Variants in LARGE1 observed in about 807,000 individuals in gnomAD.
The protein encoded by LARGE1 is LARGE xylosyl- and glucuronyltransferase 1, also known as xylosyl- and glucuronyltransferase LARGE1.
LARGE1 carries 43 observed loss-of-function variants against 87.6 expected under a neutral mutation model. That is an observed-to-expected ratio of 0.49 (90% CI 0.38 to 0.63). The LOEUF (loss-of-function observed/expected upper bound fraction) is 0.63, where lower values mean the gene tolerates loss of function less well. LARGE1 is among the 30% of genes least tolerant of loss of function. The pLI is 0.00. For synonymous variants in LARGE1, 434 were observed against 394.6 expected, an observed-to-expected ratio of 1.10 and a Z score of -1.18; for missense variants, 802 against 1,000.2, an observed-to-expected ratio of 0.80 and a Z score of 2.67.
chr22:33,486,684 C>T (rs904978185), intron 6 of LARGE1, among the ~76,000 whole-genome samples: 2 of 152,190 alleles, frequency 1.3e-5, no homozygotes, highest in Middle Eastern at 3.4e-3. Flanking sequence ...ATTTAAATAC[C>T]GCTTTGGCAA....
At chr22:33,709,148 G>A (rs917213713) in intron 2 of LARGE1, among the ~76,000 whole-genome samples, 2 of 152,128 alleles carry the variant, frequency 1.3e-5, no homozygotes, top group African/African-American at 4.8e-5. Context: ...ATGGAGGGGC[G>A]CAATTCAGCC....
intron 11 of LARGE1, among the ~76,000 whole-genome samples, chr22:33,169,706 C>A (rs1922459673): frequency 6.6e-6 from 1 of 151,924 alleles, no homozygotes; most frequent in Non-Finnish European, 1.5e-5. Flanking sequence ...AAAAAATTAG[C>A]TGGGTGTGGT....
intron 2 of LARGE1, among the ~76,000 whole-genome samples, chr22:33,738,370 T>C (rs963509485): frequency 6.6e-6 from 1 of 152,100 alleles, no homozygotes; most frequent in Non-Finnish European, 1.5e-5. Context: ...AGATTCTTCA[T>C]TGTGAAAGCA....
chr22:33,139,819 G>A, the LARGE1 span, among the ~76,000 whole-genome samples: 1 of 152,190 alleles, frequency 6.6e-6, no homozygotes, highest in South Asian at 2.1e-4. Context: ...TCCAAAGCAA[G>A]TTAGCTCCTT....
chr22:33,817,369 T>C (rs2227023), intron 1 of LARGE1, among the ~76,000 whole-genome samples: 134,802 of 152,172 alleles, frequency 0.89, 59,889 homozygotes, highest in East Asian at 0.97. Context: ...ATTTAATGCT[T>C]GAAATAGCTC....
In LARGE1 at chr22:33,274,356, A is replaced by G. The variant is rs1275186413; in HGVS notation, c.*71T>C. 1 of 1,493,406 alleles carries G rather than the reference A, an allele frequency of 6.7e-7. No homozygotes were observed. The highest frequency in any genetic ancestry group is 1.7e-5 in the Admixed American group (1 of 59,844). The allele number at this position is 1,493,406 out of a possible 1,614,324, so 92.5% of individuals were successfully genotyped here. A position where few individuals can be genotyped will look rare whatever the true frequency, so the allele number is the denominator to read the frequency against. ...AAGCATGGCTCAATTTTGAATTTGA[A>G]GGCCGGGCCCCAAACAGCGAGTGGC... On this transcript the variant is annotated 3_prime_UTR_variant, in exon 15 of 15. Transcript: ENST00000397394.
Position 33,884,605 on chromosome 22 carries a change from A to T in LARGE1, c.-83+35390T>A, listed in dbSNP as rs138327259. On this transcript the variant is annotated intron_variant, in intron 1 of 14. Coordinates refer to ENST00000397394, the MANE Select transcript of LARGE1 (RefSeq NM_133642.5). ...GGGAGGCCCTGAAAGGCCAGATGCCACCATCCCGCGGAGCTGCCAGATTCT... is the reference window on the plus strand; with the variant it reads ...GGGAGGCCCTGAAAGGCCAGATGCCTCCATCCCGCGGAGCTGCCAGATTCT... 2.0e-3 allele frequency among the ~76,000 whole-genome samples: 309 copies of T among 152,340 alleles called. 3 individuals carry two copies. The highest frequency in any genetic ancestry group is 7.0e-3 in the African/African-American group (291 of 41,588).
At chr22:33,230,269 C>T (rs1220392593) in intron 11 of LARGE1, among the ~76,000 whole-genome samples, 1 of 151,948 alleles carries the variant, frequency 6.6e-6, no homozygotes, top group African/African-American at 2.4e-5. Flanking sequence ...ATCCACCCAC[C>T]TCAGCCTCCC....
intron 6 of LARGE1, among the ~76,000 whole-genome samples, chr22:33,445,621 C>T (rs1348551011): frequency 3.3e-5 from 5 of 150,888 alleles, no homozygotes; most frequent in Non-Finnish European, 7.4e-5. Context: ...GTGACAGGGG[C>T]AACACCTTTT....
chr22:33,246,409 G>C (rs1416275079), intron 11 of LARGE1, among the ~76,000 whole-genome samples: 1 of 152,164 alleles, frequency 6.6e-6, no homozygotes, highest in Non-Finnish European at 1.5e-5. Flanking sequence ...ACTTTGGGAG[G>C]CTGAGCGGGA....
chr22:33,716,975 T>A (rs557695131), intron 2 of LARGE1, among the ~76,000 whole-genome samples: 1 of 152,378 alleles, frequency 6.6e-6, no homozygotes, highest in Non-Finnish European at 1.5e-5. Flanking sequence ...GAGTTCTTAC[T>A]TGTTTAAACC....
At chr22:33,337,051 ACT>A (rs1420175591) in intron 10 of LARGE1, among the ~76,000 whole-genome samples, 2 of 147,684 alleles carry the variant, frequency 1.4e-5, no homozygotes, top group Non-Finnish European at 3.0e-5. Context: ...ACAGAGTGAA[ACT>A]CTGTCAAAAA....
In LARGE1 at chr22:33,825,235, G is replaced by A. The variant is rs143275870; in HGVS notation, c.-82-63677C>T. On this transcript the variant is annotated intron_variant, in intron 1 of 14. Transcript: ENST00000397394. Reference sequence around the variant, plus strand: ...ATCCTTTGTAAAGGAATGTTCCAGAGAACAGTTTGTTCATTTCAGAATACG... The same window carrying A: ...ATCCTTTGTAAAGGAATGTTCCAGAAAACAGTTTGTTCATTTCAGAATACG... Among the ~76,000 whole-genome samples, 636 of 152,252 alleles carry A rather than the reference G, an allele frequency of 4.2e-3. 1 individual carries two copies. The highest frequency in any genetic ancestry group is 0.014 in the African/African-American group (581 of 41,540).
At chr22:33,083,950 G>A in the LARGE1 span, among the ~76,000 whole-genome samples, 3 of 152,074 alleles carry the variant, frequency 2.0e-5, no homozygotes, top group African/African-American at 7.2e-5. Context: ...CAATCTACCA[G>A]GCCCCTCATG....
chr22:33,478,102 A>G (rs1275041883), intron 6 of LARGE1, among the ~76,000 whole-genome samples: 1 of 152,110 alleles, frequency 6.6e-6, no homozygotes, highest in Non-Finnish European at 1.5e-5. Context: ...GCACTGGGAG[A>G]GAGGAGGATA....
intron 11 of LARGE1, among the ~76,000 whole-genome samples, chr22:33,256,925 G>T (rs1927313616): frequency 6.6e-6 from 1 of 152,184 alleles, no homozygotes; most frequent in African/African-American, 2.4e-5. Context: ...TGGAGGTGAG[G>T]CCGGCTGTGC....
chr22:33,225,003 G>A (rs1925659958), intron 11 of LARGE1, among the ~76,000 whole-genome samples: 1 of 152,220 alleles, frequency 6.6e-6, no homozygotes, highest in African/African-American at 2.4e-5. Context: ...GTCGCTGACT[G>A]GAAACCCAGG....
At chr22:33,107,031 C>A in the LARGE1 span, among the ~76,000 whole-genome samples, 1 of 152,100 alleles carries the variant, frequency 6.6e-6, no homozygotes, top group Non-Finnish European at 1.5e-5. Context: ...AAGAGAAAAA[C>A]CATTCACACG....
At chr22:33,109,227 A>T in the LARGE1 span, 2 of 152,008 alleles carry the variant, frequency 1.3e-5, no homozygotes, top group African/African-American at 4.8e-5. Flanking sequence ...ACCATCTAAC[A>T]AGCCAGGTTT....
Sources: gnomAD v4.1 joint callset for allele counts (sites outside exome capture counted in the v4.1 genomes callset) on GRCh38, gnomAD v4.1.1 for gene constraint, MANE v1.5 for transcripts, NCBI Gene and HGNC (gene_info 2026-07-23, HGNC 2026-07-21) for gene names.